KIAA1671: variants seen among roughly 807,000 people sequenced by gnomAD.
The protein encoded by KIAA1671 is KIAA1671.
A neutral mutation model predicts 131.2 loss-of-function variants in KIAA1671; 52 were observed. That is an observed-to-expected ratio of 0.40 (90% CI 0.32 to 0.50). The LOEUF is 0.50. Ranked by LOEUF, KIAA1671 falls within the 20% of genes least tolerant of loss-of-function variation. KIAA1671 has a pLI of 0.73. For missense variants in KIAA1671, 2,360 were observed against 2,364.2 expected (o/e 1.00, Z 0.04); for synonymous variants, 1,003 against 961.6 (o/e 1.04, Z -0.80).
At chr22:25,161,409 C>T (rs1384222384) in intron 6 of KIAA1671, among the ~76,000 whole-genome samples, 4 of 152,252 alleles carry the variant, frequency 2.6e-5, no homozygotes, top group African/African-American at 9.6e-5. Flanking sequence ...GATGAGTGGG[C>T]CTGGGCCCGT....
At chr22:24,968,677 G>GC (rs1922434982) in intron 1 of KIAA1671, among the ~76,000 whole-genome samples, 1 of 152,108 alleles carries the variant, frequency 6.6e-6, no homozygotes, top group Non-Finnish European at 1.5e-5. Flanking sequence ...CCCACTGTGT[G>GC]CATGGAGCTG....
At chr22:25,107,334 G>A (rs1444368636) in intron 6 of KIAA1671, among the ~76,000 whole-genome samples, 2 of 151,956 alleles carry the variant, frequency 1.3e-5, no homozygotes, top group African/African-American at 2.4e-5. Context: ...GGAGAATGGC[G>A]TGAACCCAGG....
chr22:25,146,438 G>A (rs975872029), intron 6 of KIAA1671, among the ~76,000 whole-genome samples: 2 of 152,188 alleles, frequency 1.3e-5, no homozygotes, highest in African/African-American at 2.4e-5. Context: ...CACCAACAGA[G>A]TACTGACATG....
At chr22:25,062,580 C>T (rs1928217507) in intron 6 of KIAA1671, 1 of 152,392 alleles carries the variant, frequency 6.6e-6, no homozygotes, top group Non-Finnish European at 1.5e-5. Flanking sequence ...TGTCTGGCTC[C>T]TTTCACGCAG....
intron 2 of KIAA1671, among the ~76,000 whole-genome samples, chr22:25,026,334 A>G (rs1244624490): frequency 6.6e-6 from 1 of 152,148 alleles, no homozygotes; most frequent in African/African-American, 2.4e-5. Flanking sequence ...GGGCAGTTTC[A>G]CAGGGAAGAA....
At chr22:25,139,511 T>A (rs1477859295) in intron 6 of KIAA1671, among the ~76,000 whole-genome samples, 1 of 152,192 alleles carries the variant, frequency 6.6e-6, no homozygotes, top group African/African-American at 2.4e-5. Flanking sequence ...GTCAAAGATG[T>A]GGTAAGGCTT....
chr22:25,177,664 T>G, intron 9 of KIAA1671, 142 bp downstream of exon 9: 2 of 684,152 alleles, frequency 2.9e-6, no homozygotes, highest in South Asian at 2.4e-5. Context: ...TTTTTTTTCA[T>G]GTCTTAAACA....
At chr22:25,140,398 C>T (rs375487877) in intron 6 of KIAA1671, among the ~76,000 whole-genome samples, 1 of 150,278 alleles carries the variant, frequency 6.7e-6, no homozygotes, top group Non-Finnish European at 1.5e-5. Context: ...TTTTTTGAGA[C>T]GGAGTCTCGC....
In KIAA1671 at chr22:25,028,626, A is replaced by G. The variant is rs1602079228; in HGVS notation, c.627A>G (p.Gln209=). The change falls in exon 3 of 13, where the codon CAA becomes CAG. Residue 209 remains glutamine (Q), a synonymous_variant. Coordinates refer to ENST00000358431, the MANE Select transcript of KIAA1671 (RefSeq NM_001145206.2). Reference sequence around the variant, plus strand: ...AGGACACAAAACCACCTGTACCCCAAGAGGAGGCAGGCCAAGACCATCCTC... The same window carrying G: ...AGGACACAAAACCACCTGTACCCCAGGAGGAGGCAGGCCAAGACCATCCTC... ...LSQDTKPPVP[Q]EEAGQDHPPS... 2 of 1,551,048 alleles carry G rather than the reference A, an allele frequency of 1.3e-6. No individual in the cohort carries two copies. Among genetic ancestry groups the G allele is most frequent in the East Asian group, 2.4e-5 (1 of 40,906 alleles).
intron 12 of KIAA1671, among the ~76,000 whole-genome samples, chr22:25,191,004 G>A (rs1934656125): frequency 6.6e-6 from 1 of 152,122 alleles, no homozygotes; most frequent in South Asian, 2.1e-4. Context: ...GCCTGGAGTG[G>A]GTGAAAGGTA....
chr22:24,993,096 C>T (rs1222425734), intron 1 of KIAA1671, among the ~76,000 whole-genome samples: 1 of 152,040 alleles, frequency 6.6e-6, no homozygotes, highest in Non-Finnish European at 1.5e-5. Context: ...CTCTAATCTG[C>T]CTTGAAGCCA....
intron 3 of KIAA1671, among the ~76,000 whole-genome samples, chr22:25,032,114 T>C (rs1602083105): frequency 6.6e-6 from 1 of 152,300 alleles, no homozygotes; most frequent in African/African-American, 2.4e-5. Flanking sequence ...ACACATTCCC[T>C]GACAGCCCAC....
chr22:25,096,729 C>T (rs5752059), intron 6 of KIAA1671, among the ~76,000 whole-genome samples: 41,218 of 152,068 alleles, frequency 0.27, 6,935 homozygotes, highest in African/African-American at 0.48. Context: ...ATAATAAGCA[C>T]GTTCCACACT....
At position 25,028,609 on chromosome 22, in the gene KIAA1671, A is replaced by C. The variant is rs1268780935; in HGVS notation, c.610A>C (p.Lys204Gln). 4.5e-6 allele frequency: 7 copies of C among 1,550,864 alleles called. No individual in the cohort carries two copies. Among genetic ancestry groups the C allele is most frequent in the Admixed American group, 2.0e-5 (1 of 50,980 alleles). The change falls in exon 3 of 13, where the codon AAA becomes CAA. Residue 204 changes from lysine (K) to glutamine (Q), a missense_variant. This residue lies in a region of KIAA1671 where 1,185 missense variants were observed against 1,126.2 expected (regional missense o/e 1.05). Transcript: ENST00000358431. The part of the protein sequence containing the change: ...PRSAPLSQDT[K>Q]PPVPQEEAGQ... ...GTCAGCTCCCCTGTCTCAGGACACA[A>C]AACCACCTGTACCCCAAGAGGAGGC... is the stretch of plus-strand genomic sequence containing the variant.
chr22:25,156,543 ATGTG>A (rs1025747153), intron 6 of KIAA1671, among the ~76,000 whole-genome samples: 1 of 148,136 alleles, frequency 6.8e-6, no homozygotes, highest in Non-Finnish European at 1.5e-5. Context: ...GTACATCCGT[ATGTG>A]TTTTTGTGTC....
At chr22:25,068,432 G>GT (rs1214760867) in intron 6 of KIAA1671, among the ~76,000 whole-genome samples, 3 of 151,464 alleles carry the variant, frequency 2.0e-5, no homozygotes, top group African/African-American at 4.9e-5. Context: ...CTTGTTTTTT[G>GT]TTTTTTTGTT....
chr22:25,116,682 A>G (rs1209579684), intron 6 of KIAA1671, among the ~76,000 whole-genome samples: 1 of 152,020 alleles, frequency 6.6e-6, no homozygotes, highest in Non-Finnish European at 1.5e-5. Context: ...CAGCCTCCCA[A>G]AGTGCTGAGA....
At chr22:25,030,664 C>G (rs1926237309) in intron 3 of KIAA1671, among the ~76,000 whole-genome samples, 1 of 152,356 alleles carries the variant, frequency 6.6e-6, no homozygotes, top group East Asian at 1.9e-4. Flanking sequence ...AGTCAGATGG[C>G]TAATAATGAT....
At chr22:25,032,550 T>C (rs934906432) in intron 3 of KIAA1671, 59 bp from the exon 4 acceptor site, 7 of 1,099,816 alleles carry the variant, frequency 6.4e-6, no homozygotes, top group Non-Finnish European at 9.4e-6. Flanking sequence ...AGCTGGTGTG[T>C]GGGCTGGGGG....
Sources: allele counts gnomAD v4.1 joint callset (sites outside exome capture counted in the v4.1 genomes callset), GRCh38; gene constraint gnomAD v4.1.1; regional missense constraint gnomAD v4.1.1; transcripts MANE v1.5; gene names NCBI Gene and HGNC (gene_info 2026-07-23, HGNC 2026-07-21).